SKAP2: variants seen among roughly 807,000 people sequenced by gnomAD.
SKAP2 encodes src kinase-associated phosphoprotein 2.
A neutral mutation model predicts 54.9 loss-of-function variants in SKAP2; 28 were observed. The observed-to-expected ratio is 0.51, with a 90% confidence interval of 0.38 to 0.70. SKAP2 has a LOEUF of 0.70. Among genes scored for constraint, SKAP2 ranks in the 30% least tolerant of loss-of-function variants. The pLI is 0.00. For synonymous variants in SKAP2, 137 were observed against 134.3 expected, an observed-to-expected ratio of 1.02 and a Z score of -0.14; for missense variants, 356 against 424.1, an observed-to-expected ratio of 0.84 and a Z score of 1.41.
chr7:26,690,729 T>C (rs1328348167), intron 9 of SKAP2, among the ~76,000 whole-genome samples: 1 of 152,156 alleles, frequency 6.6e-6, no homozygotes, highest in Non-Finnish European at 1.5e-5. Context: ...ACAATCTTAA[T>C]TTCAGGAAAA....
At chr7:26,763,517 T>C (rs1782979303) in intron 4 of SKAP2, among the ~76,000 whole-genome samples, 1 of 152,202 alleles carries the variant, frequency 6.6e-6, no homozygotes, top group Admixed American at 6.5e-5. Context: ...CACTGTCACA[T>C]GACTGTTTTT....
At position 26,670,184 on chromosome 7, in the gene SKAP2, A is replaced by G. The variant is rs1360915293; in HGVS notation, c.996T>C (p.Asn332=). 2.0e-6 allele frequency: 3 copies of G among 1,524,878 alleles called. No homozygotes were observed. The highest frequency in any genetic ancestry group is 2.3e-5 in the East Asian group (1 of 44,410). The allele number at this position is 1,524,878 out of a possible 1,614,324, so 94.5% of individuals were successfully genotyped here. Reference sequence around the variant, plus strand: ...TTTCTCCTACCCACCAGCCATATCTATTGTATTCCTAATTGAAAACAATAT... The same window carrying G: ...TTTCTCCTACCCACCAGCCATATCTGTTGTATTCCTAATTGAAAACAATAT... The part of the protein sequence containing the change: ...DVIYILSKEY[N]RYGWWVGEMK... The change falls in exon 12 of 13, where the codon AAT becomes AAC. Residue 332 remains asparagine, a synonymous_variant. Coordinates refer to ENST00000345317, the MANE Select transcript of SKAP2 (RefSeq NM_003930.5).
At chr7:26,735,549 T>C (rs1787910966) in intron 6 of SKAP2, among the ~76,000 whole-genome samples, 2 of 152,182 alleles carry the variant, frequency 1.3e-5, no homozygotes, top group African/African-American at 2.4e-5. Flanking sequence ...CGCAATATGG[T>C]AGAAAATGTG....
intron 9 of SKAP2, among the ~76,000 whole-genome samples, chr7:26,693,536 A>G (rs1786835068): frequency 6.6e-6 from 1 of 152,112 alleles, no homozygotes; most frequent in Non-Finnish European, 1.5e-5. Context: ...TGGATTGTAT[A>G]TTGGTGTCAG....
intron 4 of SKAP2, among the ~76,000 whole-genome samples, chr7:26,830,970 CTTTAGCATTATACCA>C (rs1784583102): frequency 6.6e-6 from 1 of 151,994 alleles, no homozygotes; most frequent in African/African-American, 2.4e-5. Flanking sequence ...TTGTTATTGT[CTTTAGCATTATACCA>C]TTCAGTTCTT....
intron 9 of SKAP2, among the ~76,000 whole-genome samples, chr7:26,693,332 CAAAAAAAAAA>C (rs34775523): frequency 0.021 from 1,705 of 79,914 alleles, 38 homozygotes; most frequent in African/African-American, 0.068. Context: ...AGCTCCATCT[CAAAAAAAAAA>C]AAAAAAAAAA....
rs1786160495 is a variant in SKAP2 at position 26,668,610 on chromosome 7, A to G, written c.*1056T>C. ...GTAAATAGTATAGCAATAAGGCAAG[A>G]TAAGAGAGTGCTTGGTTATGCCTTT... is the stretch of plus-strand genomic sequence containing the variant. On this transcript the variant is annotated 3_prime_UTR_variant, in exon 13 of 13. Transcript: ENST00000345317. 1 of 151,770 alleles carries G rather than the reference A, an allele frequency of 6.6e-6. No individual in the cohort carries two copies. The highest frequency in any genetic ancestry group is 1.5e-5 in the Non-Finnish European group (1 of 67,968). The allele number at this position is 151,770 out of a possible 1,614,324, so 9.4% of individuals were successfully genotyped here. A position where few individuals can be genotyped will look rare whatever the true frequency, so the allele number is the denominator to read the frequency against.
intron 4 of SKAP2, among the ~76,000 whole-genome samples, chr7:26,798,954 C>G (rs1783844779): frequency 6.7e-6 from 1 of 148,568 alleles, no homozygotes; most frequent in Non-Finnish European, 1.5e-5. Flanking sequence ...TAAATCATAA[C>G]ACCAGAGAAA....
intron 4 of SKAP2, among the ~76,000 whole-genome samples, chr7:26,796,804 T>C (rs1370722403): frequency 6.6e-6 from 1 of 152,242 alleles, no homozygotes; most frequent in African/African-American, 2.4e-5. Context: ...GTAAGACTTA[T>C]GGTCAACAAC....
At chr7:26,739,986 A>C in intron 4 of SKAP2, 22 bp from the exon 5 acceptor site, 1 of 1,511,288 alleles carries the variant, frequency 6.6e-7, no homozygotes, top group Non-Finnish European at 9.0e-7. Context: ...TGGGGAGAGA[A>C]AAAAAAAAGC....
At chr7:26,773,864 A>G (rs1783241786) in intron 4 of SKAP2, among the ~76,000 whole-genome samples, 1 of 152,224 alleles carries the variant, frequency 6.6e-6, no homozygotes. Context: ...AATTGCAACT[A>G]AAACATCAAT....
At chr7:26,852,667 A>C (rs1179599318) in intron 3 of SKAP2, among the ~76,000 whole-genome samples, 2 of 152,188 alleles carry the variant, frequency 1.3e-5, no homozygotes, top group Non-Finnish European at 2.9e-5. Context: ...TAATATCCAC[A>C]CACCTGAACG....
chr7:26,677,394 TAAAA>T (rs1322136047), intron 11 of SKAP2, among the ~76,000 whole-genome samples: 2 of 72,964 alleles, frequency 2.7e-5, no homozygotes. Context: ...TCTGTCTCAA[TAAAA>T]AAAAAAAAAA....
chr7:26,824,633 A>G (rs1456586292), intron 4 of SKAP2, among the ~76,000 whole-genome samples: 4 of 152,240 alleles, frequency 2.6e-5, no homozygotes, highest in Admixed American at 2.6e-4. Context: ...AAGGATGGAC[A>G]AACTTTTTTA....
At chr7:26,661,958 C>G in the SKAP2 span, among the ~76,000 whole-genome samples, 1 of 152,076 alleles carries the variant, frequency 6.6e-6, no homozygotes, top group Non-Finnish European at 1.5e-5. Flanking sequence ...GAACAGGCAC[C>G]ACTGGTATTC....
intron 4 of SKAP2, among the ~76,000 whole-genome samples, chr7:26,771,652 T>C (rs1178896686): frequency 2.6e-5 from 4 of 152,216 alleles, no homozygotes; most frequent in South Asian, 4.1e-4. Context: ...TTTCTTTACC[T>C]ATAAAACAGG....
At chr7:26,678,442 C>CTTT (rs931425488) in intron 11 of SKAP2, among the ~76,000 whole-genome samples, 2,769 of 133,786 alleles carry the variant, frequency 0.021, 119 homozygotes, top group African/African-American at 0.073. Context: ...ACTGGTTGTT[C>CTTT]TTTTTTTTTT....
intron 6 of SKAP2, among the ~76,000 whole-genome samples, chr7:26,729,991 C>T (rs1177018100): frequency 6.6e-6 from 1 of 152,128 alleles, no homozygotes; most frequent in Non-Finnish European, 1.5e-5. Flanking sequence ...ACATCCAAGT[C>T]GGGTAGGGAT....
chr7:26,835,436 T>C (rs1232824570), intron 4 of SKAP2, among the ~76,000 whole-genome samples: 2 of 152,182 alleles, frequency 1.3e-5, no homozygotes, highest in African/African-American at 2.4e-5. Flanking sequence ...ATTGTATATT[T>C]AGAAAACCCC....
Sources: allele counts gnomAD v4.1 joint callset (sites outside exome capture counted in the v4.1 genomes callset), GRCh38; gene constraint gnomAD v4.1.1; transcripts MANE v1.5; gene names NCBI Gene and HGNC (gene_info 2026-07-23, HGNC 2026-07-21).